IKBKB: variants seen among roughly 807,000 people sequenced by gnomAD.
The protein encoded by IKBKB is inhibitor of nuclear factor kappa-B kinase subunit beta.
In IKBKB, 42 loss-of-function variants were observed where a neutral mutation model predicts 113.6. The observed-to-expected ratio is 0.37, with a 90% confidence interval of 0.29 to 0.48. IKBKB has a LOEUF of 0.48. Ranked by LOEUF, IKBKB falls within the 20% of genes least tolerant of loss-of-function variation. The pLI is 0.99. For missense variants in IKBKB, 673 were observed against 939.7 expected, an observed-to-expected ratio of 0.72 and a Z score of 3.71; for synonymous variants, 296 against 361.3, an observed-to-expected ratio of 0.82 and a Z score of 2.05.
intron 5 of IKBKB, among the ~76,000 whole-genome samples, chr8:42,295,655 C>T (rs552720230): frequency 2.0e-5 from 3 of 151,666 alleles, no homozygotes; most frequent in African/African-American, 2.4e-5. Context: ...ACCCAGGAGG[C>T]GGAGAGGTTG....
Position 42,312,568 on chromosome 8 carries a change from A to C in IKBKB, c.693-1754A>C, listed in dbSNP as rs1262987943. ...ATTTGGGCTTTACAATTCTATTATA[A>C]AGCCACTTTGAAATATATTTTAGGA... On this transcript the variant is annotated intron_variant, in intron 8 of 21. Transcript: ENST00000520810. Among the ~76,000 whole-genome samples, 5 of 152,364 alleles carry C rather than the reference A, an allele frequency of 3.3e-5. No individual in the cohort carries two copies. In the East Asian group the frequency reaches 9.6e-4, roughly 29 times the overall value.
intron 19 of IKBKB, chr8:42,325,508 G>A (rs554930026): frequency 4.1e-4 from 272 of 667,392 alleles, no homozygotes; most frequent in Non-Finnish European, 4.8e-4. Flanking sequence ...GTGAAACACC[G>A]TCTCTACTAA....
At chr8:42,296,735 A>G (rs1485008535) in intron 5 of IKBKB, among the ~76,000 whole-genome samples, 1 of 152,096 alleles carries the variant, frequency 6.6e-6, no homozygotes, top group Non-Finnish European at 1.5e-5. Context: ...TTTAAAATCA[A>G]ATGTCCACAC....
In IKBKB at chr8:42,316,087, T is replaced by C; in HGVS notation, c.801-123T>C. 9.8e-7 allele frequency: 1 copy of C among 1,023,488 alleles called. No individual in the cohort carries two copies. The highest frequency in any genetic ancestry group is 1.6e-5 in the South Asian group (1 of 62,444). The allele number at this position is 1,023,488 out of a possible 1,614,324, so 63.4% of individuals were successfully genotyped here. On this transcript the variant is annotated intron_variant, in intron 9 of 21. Transcript: ENST00000520810. The surrounding 1 kb of genome is among the most constrained non-coding windows in gnomAD (Gnocchi z 4.5). ...TTGGAAATGTTTATACTGTTTCTGA[T>C]AAACCCATTTTCATTTTCAATCACC... is the stretch of plus-strand genomic sequence containing the variant.
At chr8:42,281,367 G>A (rs1426099621) in intron 2 of IKBKB, among the ~76,000 whole-genome samples, 1 of 152,240 alleles carries the variant, frequency 6.6e-6, no homozygotes, top group African/African-American at 2.4e-5. Flanking sequence ...CATCCCTGGA[G>A]TGGATGGAGC....
intron 9 of IKBKB, 29 bp downstream of exon 9, chr8:42,314,458 A>AT (rs1384939586): frequency 8.0e-6 from 11 of 1,370,950 alleles, no homozygotes; most frequent in Non-Finnish European, 3.1e-6. Flanking sequence ...ACACGAATAC[A>AT]TATCTTTCTT....
chr8:42,285,205 T>G (rs1333672791), intron 2 of IKBKB, among the ~76,000 whole-genome samples: 2 of 152,112 alleles, frequency 1.3e-5, no homozygotes, highest in Admixed American at 6.5e-5. Context: ...AAGCTTGAGA[T>G]GGACTTGTGT....
At chr8:42,296,012 T>A (rs1370488325) in intron 5 of IKBKB, among the ~76,000 whole-genome samples, 1 of 152,194 alleles carries the variant, frequency 6.6e-6, no homozygotes, top group Admixed American at 6.5e-5. Flanking sequence ...TATAGATAGA[T>A]AGGTAGGTGA....
chr8:42,329,164 C>T lies in IKBKB; in HGVS notation c.2155C>T (p.Leu719=). The T allele has an allele frequency of 1.2e-6, 2 of 1,605,558 alleles. No homozygotes were observed. The highest frequency in any genetic ancestry group is 1.7e-6 in the Non-Finnish European group (2 of 1,177,234). ...VAEAHNLCTL[L]ENAIQDTVRE... ...TGAAGCACATAACCTCTGCACCCTGCTAGAAAATGCCATACAGGACACTGT... is the reference window on the plus strand; with the variant it reads ...TGAAGCACATAACCTCTGCACCCTGTTAGAAAATGCCATACAGGACACTGT... Residue 719 remains leucine (L), a synonymous_variant, in exon 21 of 22, where the codon CTA becomes TTA. Transcript: ENST00000520810.
In IKBKB at chr8:42,327,966, G is replaced by A. The variant is rs562737855; in HGVS notation, c.2115-1158G>A. ...GCTGGGACTACAGGCGCCCGCCACC[G>A]CGCCCGGCTAATTTTTTGTATTTTT... On this transcript the variant is annotated intron_variant, in intron 20 of 21. Coordinates refer to ENST00000520810, the MANE Select transcript of IKBKB (RefSeq NM_001556.3). Among the ~76,000 whole-genome samples, 2 of 40,120 alleles carry A rather than the reference G, an allele frequency of 5.0e-5. 1 individual carries two copies. The highest frequency in any genetic ancestry group is 7.6e-5 in the African/African-American group (2 of 26,192). 26.3% of individuals were successfully genotyped at this position (40,120 alleles called of 152,430 possible).
chr8:42,275,967 A>C (rs1808997356), intron 2 of IKBKB, among the ~76,000 whole-genome samples: 1 of 152,128 alleles, frequency 6.6e-6, no homozygotes, highest in South Asian at 2.1e-4. Flanking sequence ...TCAGCCTCCA[A>C]GTAGCTGGGA....
intron 5 of IKBKB, among the ~76,000 whole-genome samples, chr8:42,296,266 G>A (rs931526722): frequency 2.6e-5 from 4 of 152,228 alleles, no homozygotes; most frequent in African/African-American, 9.7e-5. Flanking sequence ...GGAGGCGGAA[G>A]CGGACGGATC....
At chr8:42,282,911 C>T (rs919181831) in intron 2 of IKBKB, among the ~76,000 whole-genome samples, 1 of 152,196 alleles carries the variant, frequency 6.6e-6, no homozygotes, top group Non-Finnish European at 1.5e-5. Context: ...TCTGTATCTA[C>T]GCAGACCTTC....
chr8:42,326,947 A>G (rs1296012006), intron 20 of IKBKB, among the ~76,000 whole-genome samples: 5 of 152,160 alleles, frequency 3.3e-5, no homozygotes, highest in Admixed American at 3.3e-4. Context: ...AACACCGATG[A>G]TTACCTGGGG....
chr8:42,277,180 A>ATTTTT (rs751878075), intron 2 of IKBKB, among the ~76,000 whole-genome samples: 1 of 84,912 alleles, frequency 1.2e-5, no homozygotes. Context: ...CGTGTGGCTA[A>ATTTTT]TTTTTTTTTT....
intron 2 of IKBKB, among the ~76,000 whole-genome samples, chr8:42,273,676 G>C (rs1411524108): frequency 6.6e-6 from 1 of 151,646 alleles, no homozygotes; most frequent in Non-Finnish European, 1.5e-5. Context: ...AAAATGTTTG[G>C]ATTACAGGCC....
chr8:42,299,721 C>T (rs1466363017), intron 5 of IKBKB, among the ~76,000 whole-genome samples: 2 of 152,208 alleles, frequency 1.3e-5, no homozygotes, highest in Admixed American at 1.3e-4. Context: ...GCTGGCCTTG[C>T]ACGCGTTGCC....
chr8:42,322,278 G>T, intron 18 of IKBKB, 69 bp from the exon 19 acceptor site: 4 of 1,590,772 alleles, frequency 2.5e-6, no homozygotes, highest in Non-Finnish European at 3.4e-6. Flanking sequence ...CTGACTGGAT[G>T]CACAGCTGCC....
rs1377008458 is a variant in IKBKB, at chr8:42,326,228, T to G, written c.2114+131T>G. 7.4e-6 allele frequency: 8 copies of G among 1,084,842 alleles called. No homozygotes were observed. In the East Asian group the frequency reaches 1.6e-4, roughly 21 times the overall value. The allele number at this position is 1,084,842 out of a possible 1,614,324, so 67.2% of individuals were successfully genotyped here. On this transcript the variant is annotated intron_variant, in intron 20 of 21. Transcript: ENST00000520810. ...CTCTCTGGATGTTTGTTGCATCTGC[T>G]GGGTCCTGTGGGGACAAAAGTGATA...
Sources: allele counts gnomAD v4.1 joint callset (sites outside exome capture counted in the v4.1 genomes callset), GRCh38; gene constraint gnomAD v4.1.1; non-coding constraint Gnocchi (gnomAD v3.1); transcripts MANE v1.5; gene names NCBI Gene and HGNC (gene_info 2026-07-23, HGNC 2026-07-21).